The following AFG2B variants were observed in gnomAD, a reference collection of about 807,000 sequenced individuals.
AFG2B encodes the protein ATPase family gene 2 protein homolog B.
the AFG2B span, chr15:45,421,296 GT>G: frequency 5.3e-6 from 5 of 939,054 alleles, no homozygotes; most frequent in East Asian, 9.0e-5. Flanking sequence ...TAGAATTTGT[GT>G]TTATATTTCC....
chr15:45,416,367 T>C, the AFG2B span, among the ~76,000 whole-genome samples: 1 of 152,274 alleles, frequency 6.6e-6, no homozygotes, highest in East Asian at 1.9e-4. Flanking sequence ...TTGGTTTTAA[T>C]GAATTAAAAT....
the AFG2B span, among the ~76,000 whole-genome samples, chr15:45,404,012 C>G: frequency 6.6e-6 from 1 of 152,134 alleles, no homozygotes; most frequent in Non-Finnish European, 1.5e-5. Context: ...CATTCCTTGT[C>G]ATAACACCAG....
chr15:45,406,916 AGTTTTAAAGTTCT>A, the AFG2B span: 52 of 894,978 alleles, frequency 5.8e-5, no homozygotes, highest in Non-Finnish European at 7.5e-5. Context: ...AACTACTTGA[AGTTTTAAAGTTCT>A]GTGTGTAAAG....
the AFG2B span, chr15:45,402,350 C>T: frequency 2.0e-6 from 3 of 1,537,900 alleles, no homozygotes; most frequent in African/African-American, 1.4e-5. Context: ...TGCTTCCGGC[C>T]TGCGAGCTCG....
chr15:45,407,900 C>G, the AFG2B span, among the ~76,000 whole-genome samples: 2 of 152,140 alleles, frequency 1.3e-5, no homozygotes, highest in African/African-American at 2.4e-5. Flanking sequence ...TGTAAAGAGT[C>G]TCCAAAATAT....
chr15:45,404,635 C>T, the AFG2B span, among the ~76,000 whole-genome samples: 20 of 151,796 alleles, frequency 1.3e-4, no homozygotes, highest in Admixed American at 1.1e-3. Flanking sequence ...GGTGAAACCC[C>T]GTCTCTGCTA....
chr15:45,419,996 CCAAAA>C, the AFG2B span, among the ~76,000 whole-genome samples: 3 of 84,658 alleles, frequency 3.5e-5, no homozygotes, highest in African/African-American at 6.9e-5. Flanking sequence ...TCCCCCCCCC[CCAAAA>C]AAAAAAAAAA....
chr15:45,414,635 G>A, the AFG2B span: 1 of 1,614,144 alleles, frequency 6.2e-7, no homozygotes, highest in South Asian at 1.1e-5. Context: ...CAACCAAAGG[G>A]AGTTCTCCTC....
the AFG2B span, chr15:45,407,041 C>T: frequency 7.8e-7 from 1 of 1,289,188 alleles, no homozygotes; most frequent in Non-Finnish European, 1.0e-6. Flanking sequence ...CCAGGTTTGA[C>T]CATAAGCACC....
At chr15:45,405,367 A>G in the AFG2B span, 11 of 1,614,072 alleles carry the variant, frequency 6.8e-6, no homozygotes, top group Non-Finnish European at 9.3e-6. Context: ...AAATTCTGCA[A>G]GTGATTACCT....
At chr15:45,410,568 C>G in the AFG2B span, 2 of 1,554,240 alleles carry the variant, frequency 1.3e-6, no homozygotes, top group Non-Finnish European at 1.7e-6. Context: ...TAGGATATTA[C>G]AGATTAACAT....
the AFG2B span, chr15:45,415,625 G>GT: frequency 6.2e-7 from 1 of 1,613,850 alleles, no homozygotes; most frequent in Non-Finnish European, 8.5e-7. Flanking sequence ...CAGCAATTTT[G>GT]TTTTTGGATG....
At chr15:45,407,295 A>G in the AFG2B span, 1 of 1,103,772 alleles carries the variant, frequency 9.1e-7, no homozygotes, top group Non-Finnish European at 1.1e-6. Flanking sequence ...GTACCAGGGC[A>G]GATAAGGGAT....
chr15:45,420,969 G>A, the AFG2B span: 1 of 1,487,362 alleles, frequency 6.7e-7, no homozygotes. Context: ...TCCAGCCTGG[G>A]CAATAAGAGC....
At chr15:45,418,674 T>G in the AFG2B span, 1 of 1,601,976 alleles carries the variant, frequency 6.2e-7, no homozygotes. Context: ...TAGAAACCTC[T>G]GCACAGAAGT....
the AFG2B span, among the ~76,000 whole-genome samples, chr15:45,407,629 T>C: frequency 6.6e-6 from 1 of 152,196 alleles, no homozygotes. Context: ...AATCTCACTT[T>C]CCAGAGATGA....
the AFG2B span, chr15:45,405,467 A>G: frequency 6.2e-7 from 1 of 1,613,952 alleles, no homozygotes; most frequent in East Asian, 2.2e-5. Flanking sequence ...AGCACTCTGT[A>G]GGGAGGCTGC....
At chr15:45,407,264 G>T in the AFG2B span, 1 of 1,176,768 alleles carries the variant, frequency 8.5e-7, no homozygotes, top group South Asian at 1.6e-5. Context: ...ACCAGCTGAG[G>T]GGCTGCTGCT....
the AFG2B span, chr15:45,402,632 C>T: frequency 6.3e-7 from 1 of 1,577,668 alleles, no homozygotes; most frequent in East Asian, 2.3e-5. Context: ...CGGGACGGAG[C>T]GGACGGCTTT....
Sources: allele counts gnomAD v4.1 joint callset (sites outside exome capture counted in the v4.1 genomes callset), GRCh38; gene constraint gnomAD v4.1.1; transcripts MANE v1.5; gene names NCBI Gene and HGNC (gene_info 2026-07-23, HGNC 2026-07-21).